Variants in AOPEP observed in about 807,000 individuals in gnomAD.
The protein encoded by AOPEP is aminopeptidase O.
AOPEP carries 77 observed loss-of-function variants against 98.1 expected under a neutral mutation model. That is an observed-to-expected ratio of 0.78 (90% CI 0.65 to 0.95). AOPEP has a LOEUF of 0.95. AOPEP is among the 40% of genes least tolerant of loss of function. AOPEP has a pLI of 0.00. For missense variants in AOPEP, 1,024 were observed against 1,024.7 expected, an observed-to-expected ratio of 1.00 and a Z score of 0.01; for synonymous variants, 346 against 365.3, an observed-to-expected ratio of 0.95 and a Z score of 0.60.
At chr9:94,981,581 A>G (rs919368730) in intron 11 of AOPEP, among the ~76,000 whole-genome samples, 2 of 151,580 alleles carry the variant, frequency 1.3e-5, no homozygotes, top group Non-Finnish European at 2.9e-5. Context: ...TGATTTATCT[A>G]CTCTCAGCCC....
intron 5 of AOPEP, among the ~76,000 whole-genome samples, chr9:94,827,138 G>A (rs1034889543): frequency 6.6e-6 from 1 of 152,098 alleles, no homozygotes; most frequent in Non-Finnish European, 1.5e-5. Context: ...GTGGCTTCTC[G>A]TTTAGGAGCA....
At chr9:95,091,072 C>T (rs191563465), downstream of AOPEP, among the ~76,000 whole-genome samples, 18 of 152,280 alleles carry the variant, frequency 1.2e-4, no homozygotes, top group African/African-American at 2.9e-4. Context: ...GGACCTGTGC[C>T]GCAGTGACCT....
chr9:95,059,465 C>T (rs764262896), intron 13 of AOPEP, among the ~76,000 whole-genome samples: 13 of 150,934 alleles, frequency 8.6e-5, no homozygotes, highest in Non-Finnish European at 1.9e-4. Flanking sequence ...GTGGTGTTTG[C>T]AGTGCTTGCT....
intron 13 of AOPEP, among the ~76,000 whole-genome samples, chr9:95,034,333 C>T (rs963363676): frequency 2.0e-5 from 3 of 152,162 alleles, no homozygotes; most frequent in Admixed American, 6.5e-5. Flanking sequence ...CCCATTAAGA[C>T]GTGTTTTCTC....
At chr9:95,060,225 A>G (rs1401839967) in intron 13 of AOPEP, among the ~76,000 whole-genome samples, 1 of 152,172 alleles carries the variant, frequency 6.6e-6, no homozygotes, top group African/African-American at 2.4e-5. Flanking sequence ...TTTATTTCTC[A>G]GTGTGCAGCA....
chr9:94,964,181 A>G (rs16911870), intron 9 of AOPEP, among the ~76,000 whole-genome samples: 6,301 of 152,240 alleles, frequency 0.041, 440 homozygotes, highest in African/African-American at 0.14. Context: ...GGATTTTGCG[A>G]TCCCCTGGGC....
intron 15 of AOPEP, among the ~76,000 whole-genome samples, chr9:95,082,291 G>C: frequency 6.6e-6 from 1 of 152,228 alleles, no homozygotes; most frequent in Middle Eastern, 3.2e-3. Flanking sequence ...GGCCATCATG[G>C]TGGGAATGCC....
intron 9 of AOPEP, among the ~76,000 whole-genome samples, chr9:94,960,548 TCA>T (rs1287183895): frequency 6.6e-6 from 1 of 152,252 alleles, no homozygotes; most frequent in African/African-American, 2.4e-5. Flanking sequence ...ACCATAATTT[TCA>T]CAGTTGTGTA....
chr9:94,743,566 C>T (rs974019479), intron 1 of AOPEP, among the ~76,000 whole-genome samples: 1 of 152,156 alleles, frequency 6.6e-6, no homozygotes, highest in Non-Finnish European at 1.5e-5. Flanking sequence ...TTGAGCCCAG[C>T]AAGGGAAAGC....
At chr9:95,015,177 A>G (rs756787696) in intron 13 of AOPEP, among the ~76,000 whole-genome samples, 1 of 152,222 alleles carries the variant, frequency 6.6e-6, no homozygotes, top group Non-Finnish European at 1.5e-5. Flanking sequence ...TATGGTGGGA[A>G]ATTGGATAAT....
intron 9 of AOPEP, 103 bp downstream of exon 9, chr9:94,956,118 A>T (rs911420855): frequency 2.9e-6 from 2 of 683,280 alleles, no homozygotes; most frequent in African/African-American, 3.5e-5. Flanking sequence ...AAGGTTTCCC[A>T]TTTAATGCAG....
intron 5 of AOPEP, among the ~76,000 whole-genome samples, chr9:94,809,040 C>T (rs1849891777): frequency 6.6e-6 from 1 of 152,218 alleles, no homozygotes; most frequent in Non-Finnish European, 1.5e-5. Context: ...AAGCCAAGAA[C>T]TCACTCGACA....
chr9:94,887,190 A>G (rs954070432), intron 5 of AOPEP, among the ~76,000 whole-genome samples: 1 of 151,172 alleles, frequency 6.6e-6, no homozygotes, highest in African/African-American at 2.4e-5. Context: ...ACAAAAAATT[A>G]AAAAAAAATT....
chr9:94,856,060 C>T (rs1421884708), intron 5 of AOPEP, among the ~76,000 whole-genome samples: 1 of 152,174 alleles, frequency 6.6e-6, no homozygotes, highest in African/African-American at 2.4e-5. Context: ...CTTTTCCAGG[C>T]ATCAGCTCTA....
chr9:95,024,883 CTTG>C (rs1002559452), intron 13 of AOPEP, among the ~76,000 whole-genome samples: 4 of 152,148 alleles, frequency 2.6e-5, no homozygotes, highest in Non-Finnish European at 4.4e-5. Flanking sequence ...TCTTATCATA[CTTG>C]TTATTATTTT....
At chr9:95,005,402 TCCGCGGGCGG>T in intron 12 of AOPEP, 130 bp from the exon 13 acceptor site, 1 of 941,186 alleles carries the variant, frequency 1.1e-6, no homozygotes, top group Non-Finnish European at 1.6e-6. Flanking sequence ...CCCGGCGAGT[TCCGCGGGCGG>T]GCGCGGGTGG....
chr9:94,734,804 A>G (rs1428292579), intron 1 of AOPEP, among the ~76,000 whole-genome samples: 1 of 152,244 alleles, frequency 6.6e-6, no homozygotes, highest in African/African-American at 2.4e-5. Flanking sequence ...AAACTTCATT[A>G]TATGTTAGAA....
At position 94,779,473 on chromosome 9, in the gene AOPEP, C is replaced by T. The variant is rs563928713; in HGVS notation, c.964+6305C>T. On this transcript the variant is annotated intron_variant, in intron 3 of 16. Coordinates refer to ENST00000375315, the MANE Select transcript of AOPEP (RefSeq NM_001193329.3). The stretch of plus-strand genomic sequence containing the variant: ...TTCTTCTTTTTAGAGGGAAAGGTCT[C>T]ATGATTTACCACAGTTGACCTAAAT... 3.3e-5 allele frequency among the ~76,000 whole-genome samples: 5 copies of T among 152,252 alleles called. No individual in the cohort carries two copies. In the South Asian group the frequency reaches 8.3e-4, roughly 25 times the overall value.
chr9:95,000,816 A>C (rs1212228003), intron 11 of AOPEP, among the ~76,000 whole-genome samples: 1 of 152,224 alleles, frequency 6.6e-6, no homozygotes, highest in African/African-American at 2.4e-5. Context: ...TTTTATTTCT[A>C]GACGTGTGTA....
Sources: gnomAD v4.1 joint callset for allele counts (sites outside exome capture counted in the v4.1 genomes callset) on GRCh38, gnomAD v4.1.1 for gene constraint, MANE v1.5 for transcripts, NCBI Gene and HGNC (gene_info 2026-07-23, HGNC 2026-07-21) for gene names.